The following PRKCA variants were observed in gnomAD, a reference collection of about 807,000 sequenced individuals.
PRKCA encodes protein kinase C alpha, also known as protein kinase C alpha type.
Under a neutral mutation model 87.0 loss-of-function variants are expected in PRKCA, and 27 were observed. The observed-to-expected ratio is 0.31, with a 90% CI of 0.23 to 0.43. PRKCA has a LOEUF of 0.43. PRKCA is among the 20% of genes least tolerant of loss of function. The pLI, the probability that PRKCA is intolerant of heterozygous loss-of-function variation, is 1.00. For missense variants in PRKCA, 518 were observed against 852.3 expected (o/e 0.61, Z 4.88); for synonymous variants, 329 against 311.1 (o/e 1.06, Z -0.61).
intron 2 of PRKCA, chr17:66,415,083 A>T (rs2143763127): frequency 6.6e-6 from 1 of 152,118 alleles, no homozygotes; most frequent in East Asian, 1.9e-4. Flanking sequence ...CCAAATTTTC[A>T]CAAATGGGCT....
intron 2 of PRKCA, among the ~76,000 whole-genome samples, chr17:66,458,390 A>G (rs73996203): frequency 0.017 from 2,549 of 152,116 alleles, 79 homozygotes; most frequent in African/African-American, 0.057. Context: ...AAAAATGGAC[A>G]CAGGGGTCTT....
At chr17:66,718,463 C>T (rs1230437559) in intron 8 of PRKCA, among the ~76,000 whole-genome samples, 2 of 152,174 alleles carry the variant, frequency 1.3e-5, no homozygotes, top group Non-Finnish European at 2.9e-5. Context: ...CAGGTGCACG[C>T]CACTGTGCCT....
At chr17:66,666,439 C>T (rs1972044784) in intron 5 of PRKCA, among the ~76,000 whole-genome samples, 2 of 152,150 alleles carry the variant, frequency 1.3e-5, no homozygotes, top group Admixed American at 1.3e-4. Flanking sequence ...TTTCTCGCTG[C>T]TCATTTGAAC....
At chr17:66,790,125 G>A (rs959905001) in intron 16 of PRKCA, among the ~76,000 whole-genome samples, 1 of 152,210 alleles carries the variant, frequency 6.6e-6, no homozygotes, top group African/African-American at 2.4e-5. Context: ...AGCAGGCCAG[G>A]GGACCCACCT....
At chr17:66,388,550 T>C (rs1235747790) in intron 2 of PRKCA, among the ~76,000 whole-genome samples, 1 of 152,042 alleles carries the variant, frequency 6.6e-6, no homozygotes, top group Non-Finnish European at 1.5e-5. Flanking sequence ...CGCCTTAGCC[T>C]CCCAAAGTGC....
intron 14 of PRKCA, chr17:66,775,434 GA>G: frequency 1.0e-6 from 1 of 985,366 alleles, no homozygotes; most frequent in Non-Finnish European, 1.2e-6. Context: ...GGGACACAAA[GA>G]GGCAGGAAGT....
intron 2 of PRKCA, among the ~76,000 whole-genome samples, chr17:66,377,394 C>G (rs1027742597): frequency 2.0e-5 from 3 of 151,852 alleles, no homozygotes; most frequent in Non-Finnish European, 4.4e-5. Flanking sequence ...AACCAAGAAA[C>G]AGGAATTTAC....
chr17:66,427,476 T>G (rs945334936), intron 2 of PRKCA, among the ~76,000 whole-genome samples: 1 of 152,258 alleles, frequency 6.6e-6, no homozygotes, highest in Non-Finnish European at 1.5e-5. Context: ...TGCTATCTGG[T>G]CTTTTAGAGA....
intron 2 of PRKCA, among the ~76,000 whole-genome samples, chr17:66,321,956 C>A (rs1208685870): frequency 6.6e-6 from 1 of 152,214 alleles, no homozygotes; most frequent in Non-Finnish European, 1.5e-5. Flanking sequence ...TTGGCTCTAA[C>A]AACTGGAGTT....
At chr17:66,618,245 C>T (rs963945266) in intron 3 of PRKCA, among the ~76,000 whole-genome samples, 13 of 151,542 alleles carry the variant, frequency 8.6e-5, no homozygotes, top group African/African-American at 2.7e-4. Flanking sequence ...ATTCCAGCTG[C>T]TGGGGAGGCT....
At position 66,632,551 on chromosome 17, in the gene PRKCA, T is replaced by G. The variant is rs1296271526; in HGVS notation, c.289-8804T>G. Among the ~76,000 whole-genome samples, 4 of 152,154 alleles carry G rather than the reference T, an allele frequency of 2.6e-5. No homozygotes were observed. The East Asian group carries it at 5.8e-4, about 22-fold the overall frequency. ...TAGGCCACCACCCCCAGCTAATTTT[T>G]TTTTTTTAAGTAGAGATGAGGTCTC... On this transcript the variant is annotated intron_variant, in intron 3 of 16. Transcript: ENST00000413366.
chr17:66,436,845 A>AT (rs1027212303), intron 2 of PRKCA, among the ~76,000 whole-genome samples: 21 of 152,192 alleles, frequency 1.4e-4, no homozygotes, highest in African/African-American at 3.6e-4. Flanking sequence ...AGGAAGGAGA[A>AT]TTTTTTTTAA....
At chr17:66,696,113 C>T (rs780018961) in intron 8 of PRKCA, among the ~76,000 whole-genome samples, 4 of 152,118 alleles carry the variant, frequency 2.6e-5, no homozygotes, top group Non-Finnish European at 5.9e-5. Context: ...GGCAAACACC[C>T]GCTGTGTGAT....
intron 3 of PRKCA, among the ~76,000 whole-genome samples, chr17:66,560,078 T>A (rs1968632370): frequency 6.6e-6 from 1 of 152,178 alleles, no homozygotes; most frequent in African/African-American, 2.4e-5. Flanking sequence ...TGGCTATTCC[T>A]CAGAAGTGAG....
chr17:66,591,358 C>T (rs899624024), intron 3 of PRKCA, among the ~76,000 whole-genome samples: 5 of 151,588 alleles, frequency 3.3e-5, no homozygotes, highest in African/African-American at 7.3e-5. Flanking sequence ...GAGGTCTTGC[C>T]GTGTTGCCCA....
chr17:66,591,725 G>A (rs928763551), intron 3 of PRKCA, among the ~76,000 whole-genome samples: 2 of 152,166 alleles, frequency 1.3e-5, no homozygotes, highest in African/African-American at 4.8e-5. Context: ...AAGCTCTGTT[G>A]CCCTCGACAG....
At chr17:66,422,882 AG>A (rs1234120209) in intron 2 of PRKCA, among the ~76,000 whole-genome samples, 1 of 152,154 alleles carries the variant, frequency 6.6e-6, no homozygotes, top group Non-Finnish European at 1.5e-5. Flanking sequence ...AGGCTGAGGC[AG>A]GTGGATCGCC....
chr17:66,368,378 ATATATATATTTT>A (rs1567793125), intron 2 of PRKCA, among the ~76,000 whole-genome samples: 7 of 28,208 alleles, frequency 2.5e-4, no homozygotes, highest in African/African-American at 6.0e-4. Flanking sequence ...ATATATATAT[ATATATATATTTT>A]TTTTTTTTTT....
chr17:66,590,029 C>T lies in PRKCA; in HGVS notation c.289-51326C>T, dbSNP rs374634608. Among the ~76,000 whole-genome samples the T allele has an allele frequency of 1.7e-3, 253 of 152,250 alleles. 3 individuals carry two copies. The South Asian group carries it at 0.018, about 11-fold the overall frequency. ...GCTCAGGCGGTAATGCTTGCTTGCC[C>T]GCCGCTCACCTCCTGCTGTGCACCC... On this transcript the variant is annotated intron_variant, in intron 3 of 16. Coordinates refer to ENST00000413366, the MANE Select transcript of PRKCA (RefSeq NM_002737.3).
Sources: allele counts gnomAD v4.1 joint callset (sites outside exome capture counted in the v4.1 genomes callset), GRCh38; gene constraint gnomAD v4.1.1; transcripts MANE v1.5; gene names NCBI Gene and HGNC (gene_info 2026-07-23, HGNC 2026-07-21).